Variants in TMEM132B observed in about 807,000 individuals in gnomAD.
TMEM132B encodes transmembrane protein 132B.
Under a neutral mutation model 90.8 loss-of-function variants are expected in TMEM132B, and 18 were observed. The ratio of observed to expected loss-of-function variants is 0.20; its 90% CI spans 0.14 to 0.29. The LOEUF (loss-of-function observed/expected upper bound fraction) is 0.29, where lower values mean the gene tolerates loss of function less well. Ranked by LOEUF, TMEM132B falls within the 10% of genes least tolerant of loss-of-function variation. TMEM132B has a pLI of 1.00. For missense variants in TMEM132B, 1,096 were observed against 1,326.8 expected, an observed-to-expected ratio of 0.83 and a Z score of 2.70; for synonymous variants, 504 against 523.3, an observed-to-expected ratio of 0.96 and a Z score of 0.50.
At chr12:125,581,836 G>C (rs1480557511) in intron 4 of TMEM132B, among the ~76,000 whole-genome samples, 1 of 151,850 alleles carries the variant, frequency 6.6e-6, no homozygotes, top group East Asian at 1.9e-4. Flanking sequence ...ACCCCACCTA[G>C]GTGAGTTCTC....
intron 3 of TMEM132B, among the ~76,000 whole-genome samples, chr12:125,447,468 A>G (rs932972837): frequency 3.3e-5 from 5 of 152,198 alleles, no homozygotes; most frequent in African/African-American, 1.2e-4. Flanking sequence ...ATAATATGTT[A>G]ATTCCATTTA....
chr12:125,287,591 A>G (rs1329021189), intron 1 of TMEM132B, among the ~76,000 whole-genome samples: 1 of 152,214 alleles, frequency 6.6e-6, no homozygotes, highest in Non-Finnish European at 1.5e-5. Context: ...TGACATTTAA[A>G]CAGAAAATGC....
At chr12:125,619,391 G>A (rs1566091281) in intron 5 of TMEM132B, among the ~76,000 whole-genome samples, 1 of 150,220 alleles carries the variant, frequency 6.7e-6, no homozygotes, top group African/African-American at 2.5e-5. Flanking sequence ...TTGAGACAGA[G>A]TCTCACTCTG....
chr12:125,375,107 G>A (rs1878434526), intron 2 of TMEM132B, among the ~76,000 whole-genome samples: 1 of 152,166 alleles, frequency 6.6e-6, no homozygotes, highest in African/African-American at 2.4e-5. Flanking sequence ...TACTGCAACT[G>A]GATAGCACAC....
In TMEM132B at chr12:125,654,834, A is replaced by G; in HGVS notation, c.*124A>G. The stretch of plus-strand genomic sequence containing the variant: ...GATTTGTGGAGGTCTGGTGGGATTC[A>G]TTTCTAAGCAGGTAAAAGAGGTTTG... On this transcript the variant is annotated 3_prime_UTR_variant, in exon 9 of 9. Coordinates refer to ENST00000682704, the MANE Select transcript of TMEM132B (RefSeq NM_001366854.1). This position sits in a 1 kb window ranked among gnomAD's most constrained non-coding sequence, Gnocchi z 5.8. 2 of 1,170,442 alleles carry G rather than the reference A, an allele frequency of 1.7e-6. No individual in the cohort carries two copies. Among genetic ancestry groups the G allele is most frequent in the Non-Finnish European group, 2.4e-6 (2 of 843,454 alleles). The allele number at this position is 1,170,442 out of a possible 1,614,324, so 72.5% of individuals were successfully genotyped here. A position where few individuals can be genotyped will look rare whatever the true frequency, so the allele number is the denominator to read the frequency against.
In TMEM132B at chr12:125,397,324, C is replaced by T. The variant is rs182405458; in HGVS notation, c.960-18207C>T. Among the ~76,000 whole-genome samples the T allele has an allele frequency of 4.7e-4, 72 of 152,230 alleles. 1 individual carries two copies. The highest frequency in any genetic ancestry group is 1.9e-3 in the East Asian group (10 of 5,180). On this transcript the variant is annotated intron_variant, in intron 2 of 8. Transcript: ENST00000682704. ...GTTTCTTTTGCACACAGTAGGTTAA[C>T]GCCTGACAGGTAGCAGATACTTGGC...
At chr12:125,258,490 A>T (rs1874489378) in intron 1 of TMEM132B, among the ~76,000 whole-genome samples, 1 of 152,140 alleles carries the variant, frequency 6.6e-6, no homozygotes, top group South Asian at 2.1e-4. Context: ...GAGTATCTTC[A>T]TGTGGTTCTG....
intron 5 of TMEM132B, among the ~76,000 whole-genome samples, chr12:125,632,247 CAAAT>C (rs1886383274): frequency 6.6e-6 from 1 of 152,032 alleles, no homozygotes; most frequent in African/African-American, 2.4e-5. Context: ...TTTGCATAAA[CAAAT>C]AAGCAAAAAG....
intron 1 of TMEM132B, among the ~76,000 whole-genome samples, chr12:125,313,980 A>C (rs1452931727): frequency 1.3e-5 from 2 of 151,858 alleles, no homozygotes; most frequent in African/African-American, 4.8e-5. Flanking sequence ...CTTCTGGCAC[A>C]TGATGGGCTT....
At chr12:125,325,565 G>A (rs1011185569) in intron 1 of TMEM132B, among the ~76,000 whole-genome samples, 3 of 152,060 alleles carry the variant, frequency 2.0e-5, no homozygotes, top group Non-Finnish European at 4.4e-5. Flanking sequence ...ACATTTTTGC[G>A]GAGAACTCTG....
At chr12:125,646,055 C>T (rs914484441) in intron 6 of TMEM132B, among the ~76,000 whole-genome samples, 2 of 152,148 alleles carry the variant, frequency 1.3e-5, no homozygotes, top group Admixed American at 6.5e-5. Flanking sequence ...TACAGAAAGC[C>T]GAGATCATTG....
At chr12:125,485,010 A>G (rs1406624226) in intron 3 of TMEM132B, among the ~76,000 whole-genome samples, 1 of 152,188 alleles carries the variant, frequency 6.6e-6, no homozygotes, top group African/African-American at 2.4e-5. Context: ...TTACAACCAA[A>G]GATCACTAAT....
At chr12:125,608,856 G>GAA (rs111267050) in intron 5 of TMEM132B, among the ~76,000 whole-genome samples, 13 of 151,222 alleles carry the variant, frequency 8.6e-5, no homozygotes, top group East Asian at 3.9e-4. Context: ...TGGCACCTTT[G>GAA]AAAAAAAAAT....
chr12:125,200,734 C>T (rs999009006), intron 1 of TMEM132B, among the ~76,000 whole-genome samples: 6 of 152,180 alleles, frequency 3.9e-5, no homozygotes, highest in Non-Finnish European at 8.8e-5. Flanking sequence ...AGAGAAATGT[C>T]GAGCCTAGGG....
intron 3 of TMEM132B, among the ~76,000 whole-genome samples, chr12:125,475,607 T>A (rs1474048201): frequency 6.6e-6 from 1 of 152,242 alleles, no homozygotes; most frequent in East Asian, 1.9e-4. Flanking sequence ...CTTTCTCCCG[T>A]GCTGGATGTT....
chr12:125,302,437 C>A (rs1197888962), intron 1 of TMEM132B, among the ~76,000 whole-genome samples: 2 of 151,802 alleles, frequency 1.3e-5, no homozygotes, highest in Admixed American at 1.3e-4. Flanking sequence ...CATCAACCTG[C>A]AGAGGGATGT....
intron 1 of TMEM132B, among the ~76,000 whole-genome samples, chr12:125,289,730 A>T (rs1418688428): frequency 6.6e-6 from 1 of 152,226 alleles, no homozygotes; most frequent in East Asian, 1.9e-4. Context: ...AGGCACAGAG[A>T]CATCAAGTCA....
intron 3 of TMEM132B, among the ~76,000 whole-genome samples, chr12:125,495,890 T>C (rs1227708785): frequency 6.6e-6 from 1 of 152,250 alleles, no homozygotes; most frequent in Non-Finnish European, 1.5e-5. Flanking sequence ...GAATATGTTT[T>C]GGTCTTTTAA....
intron 2 of TMEM132B, among the ~76,000 whole-genome samples, chr12:125,354,576 G>A (rs1184780427): frequency 6.6e-6 from 1 of 152,160 alleles, no homozygotes; most frequent in Non-Finnish European, 1.5e-5. Context: ...GGATAAAAAA[G>A]GATGCAATGC....
Sources: gnomAD v4.1 joint callset for allele counts (sites outside exome capture counted in the v4.1 genomes callset) on GRCh38, gnomAD v4.1.1 for gene constraint, Gnocchi (gnomAD v3.1) non-coding constraint, MANE v1.5 for transcripts, NCBI Gene and HGNC (gene_info 2026-07-23, HGNC 2026-07-21) for gene names.